Variants in PHACTR3 observed in about 807,000 individuals in gnomAD.
PHACTR3 encodes protein phosphatase 1, regulatory subunit 123.
In PHACTR3, 16 loss-of-function variants were observed where a neutral mutation model predicts 66.8. The ratio of observed to expected loss-of-function variants is 0.24; its 90% CI spans 0.16 to 0.36. The LOEUF (loss-of-function observed/expected upper bound fraction) is 0.36. PHACTR3 is among the 10% of genes least tolerant of loss of function. The pLI, the probability that PHACTR3 is intolerant of heterozygous loss-of-function variation, is 1.00. For missense variants in PHACTR3, 647 were observed against 719.9 expected (o/e 0.90, Z 1.16); for synonymous variants, 323 against 292.1 (o/e 1.11, Z -1.08).
chr20:59,735,090 G>A (rs958681338), intron 1 of PHACTR3, among the ~76,000 whole-genome samples: 7 of 152,018 alleles, frequency 4.6e-5, no homozygotes, highest in Non-Finnish European at 8.8e-5. Flanking sequence ...TGGTCTCCAC[G>A]TATTGGTGTT....
At chr20:59,831,230 G>A (rs2042363669) in intron 8 of PHACTR3, among the ~76,000 whole-genome samples, 1 of 152,166 alleles carries the variant, frequency 6.6e-6, no homozygotes. Flanking sequence ...CTTTTCCAGG[G>A]TGTGTTGTGC....
rs753826808 is a variant in PHACTR3 at position 59,767,333 on chromosome 20, G to A, written c.689G>A (p.Ser230Asn). The change falls in exon 5 of 13, where the codon AGC becomes AAC. Residue 230 changes from serine to asparagine, a missense_variant. By Grantham distance (46) the Ser-to-Asn change is conservative. Coordinates refer to ENST00000371015, the MANE Select transcript of PHACTR3 (RefSeq NM_080672.5). Reference protein sequence around the residue: ...PLERSVGQLPSPPLLPTPPPK... With the variant: ...PLERSVGQLPNPPLLPTPPPK... The stretch of plus-strand genomic sequence containing the variant: ...GAGAGATCCGTGGGCCAGCTCCCCA[G>A]CCCCCCACTGCTGCCCACTCCGCCA... The A allele has an allele frequency of 7.4e-6, 12 of 1,614,074 alleles. No homozygotes were observed. The South Asian group carries it at 1.1e-4, about 15-fold the overall frequency.
chr20:59,594,360 A>G (rs2033268564), intron 1 of PHACTR3, among the ~76,000 whole-genome samples: 1 of 150,448 alleles, frequency 6.6e-6, no homozygotes, highest in Non-Finnish European at 1.5e-5. Context: ...TATTTTCTAC[A>G]TAGATTTTCA....
intron 1 of PHACTR3, among the ~76,000 whole-genome samples, chr20:59,690,858 G>C (rs1051706230): frequency 1.3e-5 from 2 of 152,148 alleles, no homozygotes; most frequent in Non-Finnish European, 2.9e-5. Context: ...AAGCCTCCCT[G>C]CCAAAGGCCA....
chr20:59,709,012 A>G (rs748857467), intron 1 of PHACTR3, among the ~76,000 whole-genome samples: 1 of 152,162 alleles, frequency 6.6e-6, no homozygotes, highest in Non-Finnish European at 1.5e-5. Flanking sequence ...ACCTTTCTGA[A>G]GTCTTCCCTT....
chr20:59,818,753 A>C (rs2041951768), intron 8 of PHACTR3, among the ~76,000 whole-genome samples: 1 of 152,210 alleles, frequency 6.6e-6, no homozygotes, highest in Non-Finnish European at 1.5e-5. Context: ...GATCTTCTTC[A>C]GATCCTTTTC....
intron 1 of PHACTR3, among the ~76,000 whole-genome samples, chr20:59,670,604 G>GT (rs1555810003): frequency 0.015 from 1,972 of 128,496 alleles, 84 homozygotes; most frequent in East Asian, 0.044. Flanking sequence ...TCTGCCGGGG[G>GT]TGGGGGGGGG....
In PHACTR3 at chr20:59,822,000, A is replaced by G. The variant is rs541305481; in HGVS notation, c.1329-14505A>G. 5.6e-3 allele frequency among the ~76,000 whole-genome samples: 280 copies of G among 49,978 alleles called. 3 individuals carry two copies. The highest frequency in any genetic ancestry group is 0.022 in the African/African-American group (180 of 8,322). The allele number at this position is 49,978 out of a possible 152,430, so 32.8% of individuals were successfully genotyped here. ...GCAGCGATCCCACCCCTTCCCCAGC[A>G]ATCCCACCCCTTCCCCAGCGATCCC... On this transcript the variant is annotated intron_variant, in intron 8 of 12. Coordinates refer to ENST00000371015, the MANE Select transcript of PHACTR3 (RefSeq NM_080672.5).
At chr20:59,721,364 G>A (rs778410817) in intron 1 of PHACTR3, 1 of 152,236 alleles carries the variant, frequency 6.6e-6, no homozygotes, top group Non-Finnish European at 1.5e-5. Flanking sequence ...GGCGGGGCAA[G>A]ACACGCCTGT....
chr20:59,672,377 A>G (rs1159392733), intron 1 of PHACTR3, among the ~76,000 whole-genome samples: 3 of 151,938 alleles, frequency 2.0e-5, no homozygotes, highest in African/African-American at 7.3e-5. Context: ...CCTCACATGC[A>G]CCTCTCTCAG....
intron 1 of PHACTR3, among the ~76,000 whole-genome samples, chr20:59,656,257 G>A (rs928567115): frequency 2.6e-5 from 4 of 151,692 alleles, no homozygotes; most frequent in African/African-American, 9.7e-5. Context: ...TGAAGTCTCC[G>A]ATTTTTATTA....
intron 1 of PHACTR3, among the ~76,000 whole-genome samples, chr20:59,660,280 G>T (rs1174110033): frequency 6.6e-6 from 1 of 152,184 alleles, no homozygotes; most frequent in East Asian, 1.9e-4. Flanking sequence ...AGATCACGAG[G>T]TCAGAAGATC....
At chr20:59,706,382 G>A (rs1873535174) in intron 1 of PHACTR3, among the ~76,000 whole-genome samples, 2 of 152,204 alleles carry the variant, frequency 1.3e-5, no homozygotes, top group Non-Finnish European at 2.9e-5. Flanking sequence ...TTTCAGCTGT[G>A]TGTTCCTTTC....
intron 1 of PHACTR3, among the ~76,000 whole-genome samples, chr20:59,589,630 G>A (rs1289341525): frequency 9.2e-5 from 14 of 152,304 alleles, no homozygotes; most frequent in East Asian, 7.7e-4. Flanking sequence ...TGGTGAGTCC[G>A]TAAGCCCAGC....
chr20:59,695,821 C>G (rs985267071), intron 1 of PHACTR3, among the ~76,000 whole-genome samples: 1 of 151,972 alleles, frequency 6.6e-6, no homozygotes, highest in African/African-American at 2.4e-5. Context: ...CAATGTCCAC[C>G]TCTCGGGTTC....
intron 3 of PHACTR3, among the ~76,000 whole-genome samples, chr20:59,752,344 GC>G (rs1465895471): frequency 2.0e-5 from 3 of 152,230 alleles, no homozygotes; most frequent in Admixed American, 1.3e-4. Flanking sequence ...CAGGTGCACT[GC>G]CCCGCGCTCC....
At chr20:59,733,870 G>A (rs896264970) in intron 1 of PHACTR3, among the ~76,000 whole-genome samples, 2 of 152,102 alleles carry the variant, frequency 1.3e-5, no homozygotes, top group African/African-American at 4.8e-5. Context: ...AGATGCTTCC[G>A]TTGCTGATGA....
upstream of PHACTR3, among the ~76,000 whole-genome samples, chr20:59,602,087 T>C (rs2033493307): frequency 1.3e-5 from 2 of 152,148 alleles, no homozygotes; most frequent in African/African-American, 4.8e-5. Context: ...ATGGTAACAT[T>C]AAGGAGGATG....
At chr20:59,648,262 C>A (rs1376837792) in intron 1 of PHACTR3, among the ~76,000 whole-genome samples, 1 of 152,176 alleles carries the variant, frequency 6.6e-6, no homozygotes, top group East Asian at 1.9e-4. Flanking sequence ...TTTCCTTCTC[C>A]TCTGTTCCCC....
Sources: allele counts gnomAD v4.1 joint callset (sites outside exome capture counted in the v4.1 genomes callset), GRCh38; gene constraint gnomAD v4.1.1; transcripts MANE v1.5; gene names NCBI Gene and HGNC (gene_info 2026-07-23, HGNC 2026-07-21).